The following NRG3 variants were observed in gnomAD, a reference collection of about 807,000 sequenced individuals.
NRG3 encodes the protein pro-neuregulin-3, membrane-bound isoform.
NRG3 carries 31 observed loss-of-function variants against 66.9 expected under a neutral mutation model. That is an observed-to-expected ratio of 0.46 (90% CI 0.35 to 0.63). The LOEUF (loss-of-function observed/expected upper bound fraction) is 0.63, where lower values mean the gene tolerates loss of function less well. Among genes scored for constraint, NRG3 ranks in the 20% least tolerant of loss-of-function variants. The pLI is 0.00. For missense variants in NRG3, 910 were observed against 878.9 expected, an observed-to-expected ratio of 1.04 and a Z score of -0.45; for synonymous variants, 393 against 359.4, an observed-to-expected ratio of 1.09 and a Z score of -1.06.
intron 1 of NRG3, among the ~76,000 whole-genome samples, chr10:82,266,071 G>A (rs1230875101): frequency 1.3e-5 from 2 of 152,120 alleles, no homozygotes; most frequent in African/African-American, 4.8e-5. Context: ...GAGTGCCAGA[G>A]GGTTTGGGGA....
chr10:82,080,794 A>C (rs2065348871), intron 1 of NRG3, among the ~76,000 whole-genome samples: 1 of 152,192 alleles, frequency 6.6e-6, no homozygotes, highest in Non-Finnish European at 1.5e-5. Flanking sequence ...CACGAGAGGC[A>C]TTAGATACAT....
At position 82,321,301 on chromosome 10, in the gene NRG3, T is replaced by TAGG. The variant is rs1554884193; in HGVS notation, c.824-37438_824-37437insAGG. 1.2e-4 allele frequency among the ~76,000 whole-genome samples: 16 copies of TAGG among 137,950 alleles called. 1 individual carries two copies. Among genetic ancestry groups the TAGG allele is most frequent in the African/African-American group, 4.6e-4 (16 of 34,880 alleles). 90.5% of individuals were successfully genotyped at this position (137,950 alleles called of 152,430 possible). A position where few individuals can be genotyped will look rare whatever the true frequency, so the allele number is the denominator to read the frequency against. ...CCTGTCACACATCCTGTGGCAGGGG[T>TAGG]GGGGGTGGGGGTCAGGGAACTCTCC... On this transcript the variant is annotated intron_variant, in intron 1 of 8. Coordinates refer to ENST00000372141, the MANE Select transcript of NRG3 (RefSeq NM_001010848.4).
At chr10:82,305,113 G>C (rs981340492) in intron 1 of NRG3, among the ~76,000 whole-genome samples, 4 of 145,488 alleles carry the variant, frequency 2.7e-5, no homozygotes, top group African/African-American at 1.0e-4. Context: ...TCCTGCCTCA[G>C]CCTCCCGAGT....
chr10:82,611,166 T>G (rs1392683234), intron 2 of NRG3, among the ~76,000 whole-genome samples: 1 of 152,104 alleles, frequency 6.6e-6, no homozygotes, highest in Non-Finnish European at 1.5e-5. Context: ...TAAAGATATT[T>G]GGTATCTTAA....
intron 1 of NRG3, among the ~76,000 whole-genome samples, chr10:82,156,046 G>T (rs902824458): frequency 6.6e-6 from 1 of 151,574 alleles, no homozygotes; most frequent in South Asian, 2.1e-4. Flanking sequence ...AGGCAGAGAT[G>T]TTCCTCTGTT....
At chr10:81,908,178 A>G (rs1054133832) in intron 1 of NRG3, among the ~76,000 whole-genome samples, 4 of 152,186 alleles carry the variant, frequency 2.6e-5, no homozygotes, top group African/African-American at 7.2e-5. Context: ...TAGAATTAAT[A>G]TTATTGATAC....
intron 1 of NRG3, chr10:82,166,930 G>A (rs1176275692): frequency 2.0e-6 from 1 of 488,164 alleles, no homozygotes; most frequent in Non-Finnish European, 3.7e-6. Context: ...GTGCTTGACT[G>A]TCTTCTTGCT....
intron 2 of NRG3, among the ~76,000 whole-genome samples, chr10:82,426,471 T>C (rs980615103): frequency 2.0e-5 from 3 of 151,246 alleles, no homozygotes; most frequent in South Asian, 2.1e-4. Flanking sequence ...CTCTGATATA[T>C]CTAAGAAAAG....
intron 2 of NRG3, among the ~76,000 whole-genome samples, chr10:82,449,622 A>G (rs1408395886): frequency 1.3e-5 from 2 of 152,166 alleles, no homozygotes; most frequent in African/African-American, 4.8e-5. Flanking sequence ...TGTCTCTACT[A>G]AGATGAACTT....
At chr10:82,611,300 G>A (rs1451714461) in intron 2 of NRG3, among the ~76,000 whole-genome samples, 1 of 150,876 alleles carries the variant, frequency 6.6e-6, no homozygotes, top group Non-Finnish European at 1.5e-5. Flanking sequence ...TAAGTTCTAG[G>A]GTACAGGTGC....
intron 2 of NRG3, among the ~76,000 whole-genome samples, chr10:82,417,498 T>A (rs1288162412): frequency 6.6e-6 from 1 of 152,186 alleles, no homozygotes; most frequent in African/African-American, 2.4e-5. Context: ...GAACAGTGTT[T>A]ATGTCATTCT....
rs543954161 is a variant in NRG3, at chr10:82,187,210, A to T, written c.824-171529A>T. ...TGATGGAGTAATATGACACATGTGG[A>T]CTAGAATATTACTGAGGCCGCCAAC... On this transcript the variant is annotated intron_variant, in intron 1 of 8. Coordinates refer to ENST00000372141, the MANE Select transcript of NRG3 (RefSeq NM_001010848.4). Among the ~76,000 whole-genome samples the T allele has an allele frequency of 3.3e-5, 5 of 152,286 alleles. No individual in the cohort carries two copies. The South Asian group carries it at 1.0e-3, about 32-fold the overall frequency.
chr10:82,590,167 T>G (rs2046899091), intron 2 of NRG3, among the ~76,000 whole-genome samples: 1 of 152,156 alleles, frequency 6.6e-6, no homozygotes, highest in Admixed American at 6.5e-5. Flanking sequence ...AAACCCAACC[T>G]CCAATGGGTG....
intron 2 of NRG3, among the ~76,000 whole-genome samples, chr10:82,648,202 C>A (rs1189436479): frequency 6.6e-6 from 1 of 152,152 alleles, no homozygotes; most frequent in Non-Finnish European, 1.5e-5. Context: ...GAAAGGGATC[C>A]AGTTTCAGCT....
At chr10:82,592,223 G>T (rs1333728901) in intron 2 of NRG3, among the ~76,000 whole-genome samples, 1 of 152,136 alleles carries the variant, frequency 6.6e-6, no homozygotes, top group Non-Finnish European at 1.5e-5. Context: ...GGAAGATAGG[G>T]GTTCTCTCCA....
At chr10:82,199,874 ATG>A (rs939606710) in intron 1 of NRG3, among the ~76,000 whole-genome samples, 22 of 149,582 alleles carry the variant, frequency 1.5e-4, no homozygotes, top group African/African-American at 4.2e-4. Flanking sequence ...GAGAGTGTGC[ATG>A]TGTGTGTGTG....
chr10:82,956,303 A>G (rs1343833206), intron 5 of NRG3, among the ~76,000 whole-genome samples: 2 of 152,114 alleles, frequency 1.3e-5, no homozygotes, highest in South Asian at 2.1e-4. Flanking sequence ...CAAGGCATGC[A>G]TCTTTTCTTC....
intron 1 of NRG3, among the ~76,000 whole-genome samples, chr10:82,214,933 T>A (rs1301433071): frequency 6.6e-6 from 1 of 152,230 alleles, no homozygotes; most frequent in East Asian, 1.9e-4. Flanking sequence ...ATCACTGATC[T>A]CATCCATCTT....
intron 1 of NRG3, among the ~76,000 whole-genome samples, chr10:82,024,212 C>A (rs1435363949): frequency 1.3e-5 from 2 of 151,864 alleles, no homozygotes; most frequent in Non-Finnish European, 2.9e-5. Flanking sequence ...CCCTTTTCCT[C>A]TGGTTTCATT....
Sources: gnomAD v4.1 joint callset for allele counts (sites outside exome capture counted in the v4.1 genomes callset) on GRCh38, gnomAD v4.1.1 for gene constraint, MANE v1.5 for transcripts, NCBI Gene and HGNC (gene_info 2026-07-23, HGNC 2026-07-21) for gene names.